The following CCDC126 variants were observed in gnomAD, a reference collection of about 807,000 sequenced individuals.
CCDC126 encodes coiled-coil domain-containing protein 126.
In CCDC126, 5 loss-of-function variants were observed where a neutral mutation model predicts 11.7. That is an observed-to-expected ratio of 0.43 (90% CI 0.22 to 0.90). The LOEUF is 0.90. Among genes scored for constraint, CCDC126 ranks in the 40% least tolerant of loss-of-function variants. The pLI is 0.27. For synonymous variants in CCDC126, 60 were observed against 61.9 expected (o/e 0.97, Z 0.14); for missense variants, 150 against 163.1 (o/e 0.92, Z 0.44).
At chr7:23,620,332 G>A (rs1288696695) in intron 3 of CCDC126, among the ~76,000 whole-genome samples, 1 of 152,260 alleles carries the variant, frequency 6.6e-6, no homozygotes, top group East Asian at 1.9e-4. Context: ...CTGATGGCCA[G>A]TGATGATGAG....
In CCDC126 at chr7:23,642,240, C is replaced by T. The variant is rs182892748; in HGVS notation, c.239-691C>T. On this transcript the variant is annotated intron_variant, in intron 3 of 3. Transcript: ENST00000307471. ...TGTTAGACAGGATGGTCTCAATCTC[C>T]TGACCTCGTGATCCCGCCCGCCTCA... Among the ~76,000 whole-genome samples the T allele has an allele frequency of 2.3e-3, 348 of 152,214 alleles. 2 individuals carry two copies. Among genetic ancestry groups the T allele is most frequent in the African/African-American group, 7.8e-3 (323 of 41,528 alleles).
At chr7:23,620,983 C>T (rs543465315) in intron 3 of CCDC126, among the ~76,000 whole-genome samples, 2 of 152,268 alleles carry the variant, frequency 1.3e-5, no homozygotes, top group South Asian at 4.1e-4. Flanking sequence ...TTACTGTAGC[C>T]TTGTAGTATA....
At chr7:23,600,443 C>G (rs1323641811) in intron 2 of CCDC126, among the ~76,000 whole-genome samples, 1 of 148,860 alleles carries the variant, frequency 6.7e-6, no homozygotes, top group Non-Finnish European at 1.5e-5. Context: ...AGGAATGCCC[C>G]TTTTTCCCTG....
In CCDC126 at chr7:23,625,232, C is replaced by G. The variant is rs142789728; in HGVS notation, c.238+13679C>G. 2.5e-3 allele frequency among the ~76,000 whole-genome samples: 375 copies of G among 152,082 alleles called. 1 individual carries two copies. The highest frequency in any genetic ancestry group is 4.2e-3 in the Non-Finnish European group (284 of 67,992). On this transcript the variant is annotated intron_variant, in intron 3 of 3. Coordinates refer to ENST00000307471, the MANE Select transcript of CCDC126 (RefSeq NM_138771.4). ...CTTTTTTTGTGTGTTTTATTTAGTG[C>G]TGTGGTGTATTTGTGTGTATGAAAT...
At chr7:23,619,645 A>G (rs1418628258) in intron 3 of CCDC126, 1 of 187,458 alleles carries the variant, frequency 5.3e-6, no homozygotes, top group East Asian at 1.6e-4. Flanking sequence ...GGTTTGTTAC[A>G]TATGTATATA....
intron 3 of CCDC126, chr7:23,622,726 A>G: frequency 1.9e-6 from 1 of 524,936 alleles, no homozygotes; most frequent in Non-Finnish European, 3.8e-6. Flanking sequence ...TTGTGGCCAC[A>G]GTTGACCCTT....
chr7:23,615,067 A>T (rs1234018714), intron 3 of CCDC126, among the ~76,000 whole-genome samples: 1 of 152,336 alleles, frequency 6.6e-6, no homozygotes, highest in Middle Eastern at 3.4e-3. Flanking sequence ...CTCACTAGCT[A>T]TGAAAATCCT....
At chr7:23,633,095 C>T (rs981780630) in intron 3 of CCDC126, among the ~76,000 whole-genome samples, 1 of 152,004 alleles carries the variant, frequency 6.6e-6, no homozygotes, top group African/African-American at 2.4e-5. Context: ...TGAGTTCAAG[C>T]GATTTTCCTG....
At chr7:23,630,668 A>G (rs972432991) in intron 3 of CCDC126, among the ~76,000 whole-genome samples, 1 of 138,092 alleles carries the variant, frequency 7.2e-6, no homozygotes, top group African/African-American at 2.7e-5. Context: ...GCAATGAGCC[A>G]TGAGCATGCT....
chr7:23,626,059 A>G (rs879513634), intron 3 of CCDC126, among the ~76,000 whole-genome samples: 3 of 151,660 alleles, frequency 2.0e-5, no homozygotes, highest in Non-Finnish European at 4.4e-5. Flanking sequence ...TTAAAATTTT[A>G]TGTAGTAAAA....
chr7:23,638,226 T>C (rs1434987826), intron 3 of CCDC126, among the ~76,000 whole-genome samples: 1 of 152,022 alleles, frequency 6.6e-6, no homozygotes, highest in African/African-American at 2.4e-5. Flanking sequence ...GCCTAGCGAC[T>C]CATTGGGGAT....
At chr7:23,621,881 G>T (rs1322241737) in intron 3 of CCDC126, among the ~76,000 whole-genome samples, 1 of 152,136 alleles carries the variant, frequency 6.6e-6, no homozygotes, top group Non-Finnish European at 1.5e-5. Flanking sequence ...GCTGGATTAT[G>T]TTCATTGATT....
At chr7:23,607,726 A>G (rs1306070339) in intron 2 of CCDC126, among the ~76,000 whole-genome samples, 1 of 152,204 alleles carries the variant, frequency 6.6e-6, no homozygotes, top group Non-Finnish European at 1.5e-5. Flanking sequence ...CTTTTGCCTT[A>G]TAAATACAGG....
intron 3 of CCDC126, among the ~76,000 whole-genome samples, chr7:23,636,515 C>A (rs1268053212): frequency 1.4e-5 from 2 of 143,132 alleles, no homozygotes; most frequent in Non-Finnish European, 3.1e-5. Context: ...GCCCCGCCGC[C>A]CTGTCTGGGA....
At chr7:23,618,054 T>G (rs1782825107) in intron 3 of CCDC126, among the ~76,000 whole-genome samples, 1 of 152,152 alleles carries the variant, frequency 6.6e-6, no homozygotes, top group Non-Finnish European at 1.5e-5. Flanking sequence ...TAGGACAAGG[T>G]CTGGGAGGGT....
At chr7:23,623,402 G>A (rs1046683506) in intron 3 of CCDC126, among the ~76,000 whole-genome samples, 7 of 152,050 alleles carry the variant, frequency 4.6e-5, no homozygotes, top group African/African-American at 1.7e-4. Flanking sequence ...TTTGAGACCA[G>A]CCACGACAAC....
Position 23,639,271 on chromosome 7 carries a change from A to G in CCDC126, c.239-3660A>G, listed in dbSNP as rs1783310092. 2.7e-5 allele frequency among the ~76,000 whole-genome samples: 4 copies of G among 147,814 alleles called. No individual in the cohort carries two copies. The Admixed American group carries it at 2.8e-4, about 10-fold the overall frequency. On this transcript the variant is annotated intron_variant, in intron 3 of 3. Transcript: ENST00000307471. ...CAGTGGCACGATCTCAGCTCACTGCAACTTCTACCTCCCAAGTTCAAGCAG... is the reference window on the plus strand; with the variant it reads ...CAGTGGCACGATCTCAGCTCACTGCGACTTCTACCTCCCAAGTTCAAGCAG...
intron 3 of CCDC126, among the ~76,000 whole-genome samples, chr7:23,638,321 CTG>C: frequency 7.0e-6 from 1 of 142,870 alleles, no homozygotes; most frequent in East Asian, 2.1e-4. Context: ...GTTGCCGGGT[CTG>C]TGTGGATAGA....
At chr7:23,597,852 C>G (rs1471515086) in intron 1 of CCDC126, 115 bp from the exon 2 acceptor site, 1 of 151,166 alleles carries the variant, frequency 6.6e-6, no homozygotes, top group Non-Finnish European at 1.5e-5. Context: ...TCGGCTCGGG[C>G]GGAGAGCCGA....
Sources: gnomAD v4.1 joint callset for allele counts (sites outside exome capture counted in the v4.1 genomes callset) on GRCh38, gnomAD v4.1.1 for gene constraint, MANE v1.5 for transcripts, NCBI Gene and HGNC (gene_info 2026-07-23, HGNC 2026-07-21) for gene names.